Variants in CFAP206 observed in about 807,000 individuals in gnomAD.
The protein encoded by CFAP206 is cilia- and flagella-associated protein 206.
Under a neutral mutation model 65.4 loss-of-function variants are expected in CFAP206, and 53 were observed. The observed-to-expected ratio is 0.81, with a 90% CI of 0.65 to 1.02. The LOEUF (loss-of-function observed/expected upper bound fraction) is 1.02, where lower values mean the gene tolerates loss of function less well. Among genes scored for constraint, CFAP206 ranks in the 50% least tolerant of loss-of-function variants. CFAP206 has a pLI of 0.00. For synonymous variants in CFAP206, 250 were observed against 254.4 expected, an observed-to-expected ratio of 0.98 and a Z score of 0.17; for missense variants, 663 against 753.2, an observed-to-expected ratio of 0.88 and a Z score of 1.40.
intron 11 of CFAP206, among the ~76,000 whole-genome samples, chr6:87,447,595 G>A (rs573421774): frequency 2.0e-5 from 3 of 152,284 alleles, no homozygotes; most frequent in African/African-American, 7.2e-5. Context: ...TTGCATTGAG[G>A]ATTTTTGCAT....
At chr6:87,447,182 C>T (rs1290149618) in intron 11 of CFAP206, among the ~76,000 whole-genome samples, 2 of 152,116 alleles carry the variant, frequency 1.3e-5, no homozygotes. Flanking sequence ...TCCTTTATTT[C>T]TTTCTCTTGC....
intron 3 of CFAP206, 131 bp downstream of exon 3, chr6:87,410,799 T>C: frequency 1.5e-6 from 1 of 687,490 alleles, no homozygotes; most frequent in East Asian, 2.8e-5. Context: ...ACGAGATATT[T>C]TTCTCATAAC....
chr6:87,415,998 ATCAGCAC>A, intron 5 of CFAP206, 124 bp downstream of exon 5: 2 of 715,894 alleles, frequency 2.8e-6, no homozygotes, highest in Non-Finnish European at 4.1e-6. Flanking sequence ...AAAAAAAAAA[ATCAGCAC>A]AAATGAGTTA....
intron 11 of CFAP206, among the ~76,000 whole-genome samples, chr6:87,439,136 A>T (rs897459176): frequency 6.6e-6 from 1 of 152,204 alleles, no homozygotes; most frequent in Non-Finnish European, 1.5e-5. Flanking sequence ...TTTTAACTGG[A>T]ATTGCATTAA....
rs56842848 is a variant in CFAP206 at position 87,457,149 on chromosome 6, C to CAAA, written c.1495-3858_1495-3856dup. On this transcript the variant is annotated intron_variant, in intron 11 of 12. Transcript: ENST00000369562. ...TGGGCGACAGAGTGAGACAACCTCT[C>CAAA]AAAAAAAAAAAAAAAAAGAAAAGAA... is the stretch of plus-strand genomic sequence containing the variant. Among the ~76,000 whole-genome samples, 109 of 115,862 alleles carry CAAA rather than the reference C, an allele frequency of 9.4e-4. 3 individuals carry two copies. Among genetic ancestry groups the CAAA allele is most frequent in the Non-Finnish European group, 1.3e-3 (69 of 54,896 alleles). The allele number at this position is 115,862 out of a possible 152,430, so 76.0% of individuals were successfully genotyped here.
chr6:87,430,989 CCTT>C (rs1253160081), intron 9 of CFAP206, 41 bp from the exon 10 acceptor site: 1 of 1,584,692 alleles, frequency 6.3e-7, no homozygotes. Flanking sequence ...GGAAATTTAA[CCTT>C]CTCACTGAAT....
At chr6:87,435,308 T>G (rs553702237) in intron 11 of CFAP206, 1 of 300,822 alleles carries the variant, frequency 3.3e-6, no homozygotes, top group Non-Finnish European at 6.2e-6. Context: ...CATTGACTTA[T>G]AAATAATTGA....
Position 87,410,581 on chromosome 6 carries a change from C to G in CFAP206, c.109-4C>G, listed in dbSNP as rs1391107070. 2 of 1,610,526 alleles carry G rather than the reference C, an allele frequency of 1.2e-6. No homozygotes were observed. Among genetic ancestry groups the G allele is most frequent in the East Asian group, 4.5e-5 (2 of 44,836 alleles). Reference sequence around the variant, plus strand: ...TTAATGGACTCGTTCCTACTTTTTTCTAGGTGAAAGCTGTTGTCCTGGATC... The same window carrying G: ...TTAATGGACTCGTTCCTACTTTTTTGTAGGTGAAAGCTGTTGTCCTGGATC... On this transcript the variant is annotated splice_region_variant and splice_polypyrimidine_tract_variant and intron_variant, in intron 2 of 12. Coordinates refer to ENST00000369562, the MANE Select transcript of CFAP206 (RefSeq NM_001031743.3).
At position 87,426,539 on chromosome 6, in the gene CFAP206, C is replaced by G. The variant is rs757339428; in HGVS notation, c.854C>G (p.Thr285Ser). 1 of 1,581,916 alleles carries G rather than the reference C, an allele frequency of 6.3e-7. No homozygotes were observed. Among genetic ancestry groups the G allele is most frequent in the South Asian group, 1.2e-5 (1 of 85,018 alleles). ...FLQIILSDII[T>S]GAQEVEMMTK... is the part of the protein sequence containing the mutation. ...TTGTTTTCACAGTCAGATATAATTA[C>G]TGGTGCTCAAGAAGTGGAAATGATG... The change falls in exon 8 of 13, where the codon ACT becomes AGT. Residue 285 changes from threonine to serine, a missense_variant. Transcript: ENST00000369562.
Position 87,428,748 on chromosome 6 carries a change from TC to T in CFAP206, c.1085del (p.Pro362LeufsTer4), listed in dbSNP as rs762038475. ...PFLGAHELYF[P>X]ERVMQCHLNG... The stretch of plus-strand genomic sequence containing the variant: ...TCTTGGGTGCTCACGAACTATACTT[TC>T]CTGAGAGAGTGATGCAATGTCATCT... On this transcript the variant is annotated frameshift_variant, in exon 9 of 13. Coordinates refer to ENST00000369562, the MANE Select transcript of CFAP206 (RefSeq NM_001031743.3). LOFTEE classifies it high-confidence loss of function. The T allele has an allele frequency of 6.2e-7, 1 of 1,614,176 alleles. No homozygotes were observed. The highest frequency in any genetic ancestry group is 8.5e-7 in the Non-Finnish European group (1 of 1,180,020).
intron 8 of CFAP206, among the ~76,000 whole-genome samples, chr6:87,427,504 G>C (rs1306796096): frequency 6.6e-6 from 1 of 152,116 alleles, no homozygotes; most frequent in Non-Finnish European, 1.5e-5. Flanking sequence ...CCCAGTATTT[G>C]GTTTAAAAAC....
At chr6:87,410,855 C>T (rs370963186) in intron 3 of CFAP206, among the ~76,000 whole-genome samples, 187 bp downstream of exon 3, 2 of 152,170 alleles carry the variant, frequency 1.3e-5, no homozygotes, top group Non-Finnish European at 2.9e-5. Flanking sequence ...CTTCCTGGGG[C>T]ACACCATCCT....
chr6:87,458,326 C>T (rs926597830), intron 11 of CFAP206, among the ~76,000 whole-genome samples: 2 of 152,054 alleles, frequency 1.3e-5, no homozygotes, highest in Admixed American at 1.3e-4. Flanking sequence ...GGTATATACC[C>T]AAAAGAAAGG....
intron 11 of CFAP206, among the ~76,000 whole-genome samples, chr6:87,451,107 A>G (rs1388232610): frequency 6.6e-6 from 1 of 152,146 alleles, no homozygotes; most frequent in African/African-American, 2.4e-5. Context: ...TAAACTTGAA[A>G]GGCAGTCTAG....
At chr6:87,418,733 T>C (rs982318437) in intron 7 of CFAP206, among the ~76,000 whole-genome samples, 22 of 152,218 alleles carry the variant, frequency 1.4e-4, no homozygotes, top group African/African-American at 5.1e-4. Flanking sequence ...GTATGTAACA[T>C]TGTTTGGCAG....
intron 8 of CFAP206, 107 bp from the exon 9 acceptor site, chr6:87,428,519 G>T (rs1294503217): frequency 3.9e-6 from 4 of 1,031,376 alleles, no homozygotes; most frequent in Non-Finnish European, 5.9e-6. Context: ...TTTGCTTAGG[G>T]AGAATTAACT....
At chr6:87,408,555 A>ACACAGATCCGGAGCGCGCG (rs1767670354) in intron 1 of CFAP206, 1 of 72,090 alleles carries the variant, frequency 1.4e-5, no homozygotes, top group Non-Finnish European at 3.0e-5. Context: ...CGGAGCGCGC[A>ACACAGATCCGGAGCGCGCG]CACAGATCCG....
chr6:87,420,031 T>C (rs751400110), intron 7 of CFAP206, among the ~76,000 whole-genome samples: 2 of 152,166 alleles, frequency 1.3e-5, no homozygotes, highest in Non-Finnish European at 2.9e-5. Context: ...AAGCTTTGGC[T>C]ATGCCACTGC....
chr6:87,439,879 T>TA (rs1483540119), intron 11 of CFAP206, among the ~76,000 whole-genome samples: 5 of 151,656 alleles, frequency 3.3e-5, no homozygotes, highest in Non-Finnish European at 7.4e-5. Context: ...TATTCAATTT[T>TA]AAAAAAAATC....
Sources: gnomAD v4.1 joint callset for allele counts (sites outside exome capture counted in the v4.1 genomes callset) on GRCh38, gnomAD v4.1.1 for gene constraint, MANE v1.5 for transcripts, NCBI Gene and HGNC (gene_info 2026-07-23, HGNC 2026-07-21) for gene names.